SYBU: variants seen among roughly 807,000 people sequenced by gnomAD.
SYBU encodes GOLSYN A protein.
SYBU carries 21 observed loss-of-function variants against 35.9 expected under a neutral mutation model. The observed-to-expected ratio is 0.58, with a 90% CI of 0.41 to 0.84. The LOEUF (loss-of-function observed/expected upper bound fraction) is 0.84, where lower values mean the gene tolerates loss of function less well. Ranked by LOEUF, SYBU falls within the 40% of genes least tolerant of loss-of-function variation. The pLI, the probability that SYBU is intolerant of heterozygous loss-of-function variation, is 0.00. For missense variants in SYBU, 768 were observed against 848.2 expected, an observed-to-expected ratio of 0.91 and a Z score of 1.17; for synonymous variants, 319 against 324.3, an observed-to-expected ratio of 0.98 and a Z score of 0.18.
chr8:109,624,099 A>G (rs1310044050), intron 2 of SYBU, among the ~76,000 whole-genome samples: 1 of 152,212 alleles, frequency 6.6e-6, no homozygotes, highest in Non-Finnish European at 1.5e-5. Context: ...CCATTGGTCA[A>G]CAATGAAATA....
At chr8:109,687,733 A>G (rs1817552514) in intron 1 of SYBU, among the ~76,000 whole-genome samples, 1 of 152,170 alleles carries the variant, frequency 6.6e-6, no homozygotes, top group Non-Finnish European at 1.5e-5. Context: ...GGCAAAGCAT[A>G]TGGACTTTGA....
intron 1 of SYBU, among the ~76,000 whole-genome samples, chr8:109,687,879 T>C (rs1029605286): frequency 2.0e-5 from 3 of 152,184 alleles, no homozygotes; most frequent in Non-Finnish European, 2.9e-5. Flanking sequence ...TCCCAATAAT[T>C]AAATGGACTG....
At chr8:109,612,379 A>C (rs147287824) in intron 3 of SYBU, among the ~76,000 whole-genome samples, 1 of 152,216 alleles carries the variant, frequency 6.6e-6, no homozygotes, top group African/African-American at 2.4e-5. Flanking sequence ...AATAGCTTAC[A>C]GCCTGTATTT....
intron 6 of SYBU, among the ~76,000 whole-genome samples, chr8:109,577,125 G>A (rs1822417183): frequency 6.6e-6 from 1 of 152,124 alleles, no homozygotes; most frequent in Non-Finnish European, 1.5e-5. Flanking sequence ...AGCAACCAAG[G>A]TATTGAGTTT....
intron 3 of SYBU, among the ~76,000 whole-genome samples, chr8:109,594,236 G>GA (rs1824610261): frequency 6.6e-6 from 1 of 152,102 alleles, no homozygotes; most frequent in African/African-American, 2.4e-5. Context: ...GACTGGGAGA[G>GA]AAAAATGGGG....
At chr8:109,648,270 T>TAATA (rs1286536554), upstream of SYBU, among the ~76,000 whole-genome samples, 2 of 144,764 alleles carry the variant, frequency 1.4e-5, no homozygotes, top group African/African-American at 5.1e-5. Flanking sequence ...ATAATATATA[T>TAATA]ATATAATATA....
At chr8:109,591,132 G>A (rs1256674213) in intron 3 of SYBU, among the ~76,000 whole-genome samples, 2 of 152,138 alleles carry the variant, frequency 1.3e-5, no homozygotes, top group Non-Finnish European at 2.9e-5. Flanking sequence ...AGAATACTCC[G>A]CCATCGTGAA....
intron 2 of SYBU, among the ~76,000 whole-genome samples, chr8:109,632,597 A>G (rs1257640404): frequency 1.3e-5 from 2 of 152,222 alleles, no homozygotes; most frequent in East Asian, 3.8e-4. Flanking sequence ...TCTATTTTGA[A>G]AAAAGGAATT....
At position 109,578,402 on chromosome 8, in the gene SYBU, C is replaced by T. The variant is rs146269762; in HGVS notation, c.735-385G>A. Among the ~76,000 whole-genome samples, 962 of 152,252 alleles carry T rather than the reference C, an allele frequency of 6.3e-3. 6 individuals carry two copies. Among genetic ancestry groups the T allele is most frequent in the Non-Finnish European group, 0.01 (709 of 68,020 alleles). On this transcript the variant is annotated intron_variant, in intron 5 of 6. Transcript: ENST00000276646. Reference sequence around the variant, plus strand: ...GCCCATGGTTCTCGAAAGATTTGGACCAACATCTAGAGTACTTTGTTATAG... The same window carrying T: ...GCCCATGGTTCTCGAAAGATTTGGATCAACATCTAGAGTACTTTGTTATAG...
chr8:109,579,146 C>T (rs546759603), intron 5 of SYBU, among the ~76,000 whole-genome samples: 60 of 152,302 alleles, frequency 3.9e-4, no homozygotes, highest in Non-Finnish European at 2.2e-4. Context: ...ACTATGCTGC[C>T]AGCTCCCTGA....
At chr8:109,619,497 G>A (rs989025002) in intron 2 of SYBU, among the ~76,000 whole-genome samples, 56 of 152,270 alleles carry the variant, frequency 3.7e-4, no homozygotes, top group African/African-American at 1.2e-3. Context: ...AAAGTGCTGG[G>A]ATTACAATCA....
At chr8:109,608,205 T>A in intron 3 of SYBU, 1 of 429,000 alleles carries the variant, frequency 2.3e-6, no homozygotes, top group East Asian at 3.5e-5. Flanking sequence ...ATCGCCCTCA[T>A]GAATGGACAC....
intron 2 of SYBU, among the ~76,000 whole-genome samples, chr8:109,625,050 A>G (rs1371783503): frequency 6.6e-6 from 1 of 152,222 alleles, no homozygotes; most frequent in Non-Finnish European, 1.5e-5. Context: ...GGGATATTTC[A>G]TCATTCTCTG....
intron 2 of SYBU, among the ~76,000 whole-genome samples, chr8:109,629,974 C>A (rs1302623541): frequency 2.6e-5 from 4 of 151,894 alleles, no homozygotes; most frequent in Non-Finnish European, 5.9e-5. Flanking sequence ...TGTCCTTTGC[C>A]CACTTTTTGA....
rs1202200574 is a variant in SYBU, at chr8:109,622,206, TATCTATCTATCTATCTATC to T, written c.230-3186_230-3168del. Among the ~76,000 whole-genome samples the T allele has an allele frequency of 1.5e-3, 229 of 147,876 alleles. 1 individual carries two copies. The highest frequency in any genetic ancestry group is 5.0e-3 in the African/African-American group (194 of 39,046). On this transcript the variant is annotated intron_variant, in intron 2 of 6. Coordinates refer to ENST00000276646, the MANE Select transcript of SYBU (RefSeq NM_001099754.2). ...GTATCTATCTATCTATCTATCTATC[TATCTATCTATCTATCTATC>T]ATCTATCTATCTATCTATCTTTTTA...
intron 4 of SYBU, among the ~76,000 whole-genome samples, chr8:109,583,701 G>T (rs1298820880): frequency 2.0e-5 from 3 of 152,070 alleles, no homozygotes; most frequent in African/African-American, 7.2e-5. Flanking sequence ...TAGAGGAGCT[G>T]CCCCCCCATG....
intron 2 of SYBU, among the ~76,000 whole-genome samples, chr8:109,619,463 G>A (rs1250166010): frequency 6.6e-6 from 1 of 152,112 alleles, no homozygotes; most frequent in Non-Finnish European, 1.5e-5. Flanking sequence ...CTGGCCTCAA[G>A]CGATCCATCT....
intron 2 of SYBU, among the ~76,000 whole-genome samples, chr8:109,623,857 T>C (rs1292984878): frequency 6.6e-6 from 1 of 151,968 alleles, no homozygotes; most frequent in African/African-American, 2.4e-5. Flanking sequence ...TACAGAAGAG[T>C]ATAAAGAAGT....
At chr8:109,675,925 GA>G (rs1201250705) in intron 1 of SYBU, among the ~76,000 whole-genome samples, 2 of 152,122 alleles carry the variant, frequency 1.3e-5, no homozygotes, top group South Asian at 4.1e-4. Context: ...GCAGCACATT[GA>G]AAAGCTTATC....
Sources: allele counts gnomAD v4.1 joint callset (sites outside exome capture counted in the v4.1 genomes callset), GRCh38; gene constraint gnomAD v4.1.1; transcripts MANE v1.5; gene names NCBI Gene and HGNC (gene_info 2026-07-23, HGNC 2026-07-21).